Variants in VSTM2L observed in about 807,000 individuals in gnomAD.
VSTM2L encodes the protein V-set and transmembrane domain-containing protein 2-like protein.
VSTM2L carries 9 observed loss-of-function variants against 19.9 expected under a neutral mutation model. The observed-to-expected ratio is 0.45, with a 90% CI of 0.27 to 0.79. The LOEUF (loss-of-function observed/expected upper bound fraction) is 0.79, where lower values mean the gene tolerates loss of function less well. VSTM2L is among the 30% of genes least tolerant of loss of function. VSTM2L has a pLI of 0.15. For missense variants in VSTM2L, 286 were observed against 295.5 expected (o/e 0.97, Z 0.24); for synonymous variants, 127 against 133.8 (o/e 0.95, Z 0.35).
At chr20:37,903,869 C>T (rs1406227436) in intron 1 of VSTM2L, among the ~76,000 whole-genome samples, 3 of 152,336 alleles carry the variant, frequency 2.0e-5, no homozygotes, top group East Asian at 3.9e-4. Context: ...GGCACTGCGC[C>T]GGTGGGCTCA....
Position 37,916,333 on chromosome 20 carries a change from T to G in VSTM2L, c.121+12862T>G, listed in dbSNP as rs187882836. 8.3e-3 allele frequency among the ~76,000 whole-genome samples: 1,257 copies of G among 152,306 alleles called. 8 individuals are homozygous for G. The highest frequency in any genetic ancestry group is 0.011 in the Non-Finnish European group (773 of 68,010). ...CGCCCCTGCCCTATCTCTGGCTCCCTGAACACTCCCGCGCTTGCCTCCCTC... is the reference window on the plus strand; with the variant it reads ...CGCCCCTGCCCTATCTCTGGCTCCCGGAACACTCCCGCGCTTGCCTCCCTC... On this transcript the variant is annotated intron_variant, in intron 1 of 3. Coordinates refer to ENST00000373461, the MANE Select transcript of VSTM2L (RefSeq NM_080607.3).
At position 37,918,260 on chromosome 20, in the gene VSTM2L, G is replaced by A. The variant is rs146533587; in HGVS notation, c.122-13375G>A. Among the ~76,000 whole-genome samples, 500 of 152,302 alleles carry A rather than the reference G, an allele frequency of 3.3e-3. 1 individual carries two copies. Among genetic ancestry groups the A allele is most frequent in the Middle Eastern group, 6.8e-3 (2 of 294 alleles). ...TGGAGGTGGGAACTAGTGATGGGTT[G>A]TGAGATTGGGCCATGGCCATCGGAA... On this transcript the variant is annotated intron_variant, in intron 1 of 3. Transcript: ENST00000373461.
At chr20:37,934,410 C>T (rs758401038) in intron 3 of VSTM2L, among the ~76,000 whole-genome samples, 12 of 152,150 alleles carry the variant, frequency 7.9e-5, no homozygotes, top group Middle Eastern at 3.4e-3. Flanking sequence ...GTGCATGGGG[C>T]GTGAGGTCAG....
At chr20:37,931,520 CCT>C in intron 1 of VSTM2L, 113 bp from the exon 2 acceptor site, 1 of 1,163,934 alleles carries the variant, frequency 8.6e-7, no homozygotes, top group Non-Finnish European at 1.2e-6. Flanking sequence ...CACCCCACCC[CCT>C]CCACCCATCC....
At chr20:37,923,550 G>A (rs1301203630) in intron 1 of VSTM2L, among the ~76,000 whole-genome samples, 1 of 152,220 alleles carries the variant, frequency 6.6e-6, no homozygotes, top group African/African-American at 2.4e-5. Context: ...AGGCCCTGAG[G>A]CTGGAGAAGA....
At chr20:37,940,682 G>C (rs528798931) in intron 3 of VSTM2L, among the ~76,000 whole-genome samples, 15 of 152,320 alleles carry the variant, frequency 9.8e-5, no homozygotes, top group African/African-American at 3.6e-4. Flanking sequence ...CTGCTATAAA[G>C]AACTACCAGA....
chr20:37,913,705 G>C (rs2072793410), intron 1 of VSTM2L, among the ~76,000 whole-genome samples: 1 of 152,196 alleles, frequency 6.6e-6, no homozygotes, highest in East Asian at 1.9e-4. Flanking sequence ...TGCTGGGGCT[G>C]AGAGGGGACT....
Position 37,944,274 on chromosome 20 carries a change from C to A in VSTM2L, c.*21C>A. ...TCTAGACTGATGCCCCTGCCCCCGCCCATCCGCCCCCACGCTGTACAGAGT... is the reference window on the plus strand; with the variant it reads ...TCTAGACTGATGCCCCTGCCCCCGCACATCCGCCCCCACGCTGTACAGAGT... On this transcript the variant is annotated 3_prime_UTR_variant, in exon 4 of 4. Coordinates refer to ENST00000373461, the MANE Select transcript of VSTM2L (RefSeq NM_080607.3). The A allele has an allele frequency of 6.8e-7, 1 of 1,468,488 alleles. No homozygotes were observed. The highest frequency in any genetic ancestry group is 9.1e-7 in the Non-Finnish European group (1 of 1,102,680). The allele number at this position is 1,468,488 out of a possible 1,614,324, so 91.0% of individuals were successfully genotyped here.
chr20:37,939,324 G>A (rs563105742), intron 3 of VSTM2L, among the ~76,000 whole-genome samples: 17 of 151,640 alleles, frequency 1.1e-4, no homozygotes, highest in African/African-American at 2.2e-4. Flanking sequence ...GTGCTGAAGC[G>A]GGAGGATTGC....
intron 1 of VSTM2L, among the ~76,000 whole-genome samples, chr20:37,912,766 CCCGTA>C (rs1252229263): frequency 2.0e-5 from 3 of 152,206 alleles, no homozygotes; most frequent in Non-Finnish European, 2.9e-5. Context: ...GCAGTGCCCA[CCCGTA>C]CCTGGGAAGT....
rs375391199 is a variant in VSTM2L, at chr20:37,929,116, G to C, written c.122-2519G>C. ...TGCCGGGTTTAAATGAGGTGGTCAG[G>C]GCAGGCCTCCCTAAGGAAGCGGACT... On this transcript the variant is annotated intron_variant, in intron 1 of 3. Coordinates refer to ENST00000373461, the MANE Select transcript of VSTM2L (RefSeq NM_080607.3). 4.4e-4 allele frequency among the ~76,000 whole-genome samples: 67 copies of C among 152,262 alleles called. No homozygotes were observed. In the South Asian group the frequency reaches 6.6e-3, roughly 15 times the overall value.
Position 37,944,928 on chromosome 20 carries a change from A to T in VSTM2L, c.*675A>T. On this transcript the variant is annotated 3_prime_UTR_variant, in exon 4 of 4. Transcript: ENST00000373461. Reference sequence around the variant, plus strand: ...CTGCCCTGTCACACGGCGAGTCAGAAGGGAGGGGCCTTTCCCTCGGACCCA... The same window carrying T: ...CTGCCCTGTCACACGGCGAGTCAGATGGGAGGGGCCTTTCCCTCGGACCCA... 1 of 985,774 alleles carries T rather than the reference A, an allele frequency of 1.0e-6. No individual in the cohort carries two copies. Among genetic ancestry groups the T allele is most frequent in the Non-Finnish European group, 1.2e-6 (1 of 829,962 alleles). The allele number at this position is 985,774 out of a possible 1,614,324, so 61.1% of individuals were successfully genotyped here.
intron 1 of VSTM2L, among the ~76,000 whole-genome samples, chr20:37,917,136 A>G (rs1355828163): frequency 6.6e-6 from 1 of 152,110 alleles, no homozygotes; most frequent in Non-Finnish European, 1.5e-5. Flanking sequence ...ATGTAGTGAA[A>G]GCTTGTCTCT....
chr20:37,903,955 A>G (rs55675337), intron 1 of VSTM2L, among the ~76,000 whole-genome samples: 77,824 of 151,614 alleles, frequency 0.51, 21,398 homozygotes, highest in East Asian at 0.78. Flanking sequence ...GCGCGCGCGC[A>G]CACACACACA....
chr20:37,935,928 A>ACT (rs2072937231), intron 3 of VSTM2L, among the ~76,000 whole-genome samples: 1 of 146,186 alleles, frequency 6.8e-6, no homozygotes, highest in Admixed American at 7.0e-5. Context: ...GTTGTCACCC[A>ACT]GGCTGGAGTG....
intron 3 of VSTM2L, among the ~76,000 whole-genome samples, chr20:37,938,358 C>T (rs983971711): frequency 1.3e-5 from 2 of 152,120 alleles, no homozygotes; most frequent in Non-Finnish European, 2.9e-5. Context: ...GAGGGGCCAG[C>T]GAAGTGCTGG....
intron 1 of VSTM2L, among the ~76,000 whole-genome samples, chr20:37,926,872 G>C (rs896871052): frequency 1.3e-5 from 2 of 152,246 alleles, no homozygotes; most frequent in Admixed American, 1.3e-4. Flanking sequence ...TGGCCACTGA[G>C]CCCTGGGAAT....
intron 1 of VSTM2L, among the ~76,000 whole-genome samples, chr20:37,906,914 TC>T (rs1294479732): frequency 6.6e-6 from 1 of 152,178 alleles, no homozygotes; most frequent in Admixed American, 6.5e-5. Context: ...CCAGATCTTG[TC>T]CAGGGGAGGG....
At chr20:37,921,283 C>T (rs1355667086) in intron 1 of VSTM2L, among the ~76,000 whole-genome samples, 3 of 152,096 alleles carry the variant, frequency 2.0e-5, no homozygotes, top group African/African-American at 4.8e-5. Flanking sequence ...ATGTAAGTGG[C>T]CAGGAGGGGC....
Sources: gnomAD v4.1 joint callset for allele counts (sites outside exome capture counted in the v4.1 genomes callset) on GRCh38, gnomAD v4.1.1 for gene constraint, MANE v1.5 for transcripts, NCBI Gene and HGNC (gene_info 2026-07-23, HGNC 2026-07-21) for gene names.